The following CRACD variants were observed in gnomAD, a reference collection of about 807,000 sequenced individuals.
CRACD encodes capping protein inhibiting regulator of actin dynamics.
CRACD carries 56 observed loss-of-function variants against 106.8 expected under a neutral mutation model. The ratio of observed to expected loss-of-function variants is 0.52; its 90% CI spans 0.42 to 0.66. The LOEUF (loss-of-function observed/expected upper bound fraction) is 0.66. Ranked by LOEUF, CRACD falls within the 30% of genes least tolerant of loss-of-function variation. The pLI is 0.00. For synonymous variants in CRACD, 754 were observed against 670.8 expected (o/e 1.12, Z -1.92); for missense variants, 1,730 against 1,623.2 (o/e 1.07, Z -1.13).
At chr4:56,236,030 A>C (rs1739947137) in intron 2 of CRACD, among the ~76,000 whole-genome samples, 1 of 152,178 alleles carries the variant, frequency 6.6e-6, no homozygotes, top group Non-Finnish European at 1.5e-5. Context: ...TGTATCCTTG[A>C]AAAATGCTAT....
intron 1 of CRACD, among the ~76,000 whole-genome samples, chr4:56,090,072 G>A (rs1200026310): frequency 1.3e-5 from 2 of 151,808 alleles, no homozygotes; most frequent in Non-Finnish European, 2.9e-5. Flanking sequence ...GGATAACAGT[G>A]GAGAGCAAGA....
chr4:56,148,426 G>T (rs755506177), intron 1 of CRACD, among the ~76,000 whole-genome samples: 1 of 152,168 alleles, frequency 6.6e-6, no homozygotes, highest in Non-Finnish European at 1.5e-5. Context: ...GAGGAGCTGG[G>T]ACTACAGGTG....
chr4:56,220,527 T>C (rs1738974521), intron 2 of CRACD, among the ~76,000 whole-genome samples: 1 of 152,156 alleles, frequency 6.6e-6, no homozygotes, highest in Non-Finnish European at 1.5e-5. Flanking sequence ...GTGTGACTAA[T>C]ACAAGATGTT....
intron 1 of CRACD, among the ~76,000 whole-genome samples, chr4:56,141,704 T>C (rs1438641427): frequency 2.0e-5 from 3 of 147,338 alleles, no homozygotes; most frequent in African/African-American, 7.5e-5. Context: ...TTTTTTTTTT[T>C]TTTTTTAGAA....
At chr4:56,091,894 A>G (rs966227195) in intron 1 of CRACD, among the ~76,000 whole-genome samples, 2 of 152,222 alleles carry the variant, frequency 1.3e-5, no homozygotes, top group African/African-American at 4.8e-5. Context: ...GAGTAATGAA[A>G]GATACAGAAA....
chr4:56,269,339 C>T (rs1353222575), intron 2 of CRACD, among the ~76,000 whole-genome samples: 4 of 151,680 alleles, frequency 2.6e-5, no homozygotes, highest in African/African-American at 7.3e-5. Flanking sequence ...GCCAAGATCG[C>T]GCCACTGCAC....
chr4:56,311,459 C>T (rs1560531675), intron 6 of CRACD: 1 of 152,204 alleles, frequency 6.6e-6, no homozygotes, highest in Non-Finnish European at 1.5e-5. Context: ...AAGTGCTTAT[C>T]TATGTCTTCA....
chr4:56,250,729 A>C (rs1376287879), intron 2 of CRACD, among the ~76,000 whole-genome samples: 1 of 152,198 alleles, frequency 6.6e-6, no homozygotes, highest in Non-Finnish European at 1.5e-5. Flanking sequence ...TCCATTTTCT[A>C]TCTGTAAAAC....
At chr4:56,248,444 G>A (rs1456361345) in intron 2 of CRACD, among the ~76,000 whole-genome samples, 3 of 151,938 alleles carry the variant, frequency 2.0e-5, no homozygotes, top group African/African-American at 7.2e-5. Flanking sequence ...TAATTAGGTA[G>A]GTCATAGGCA....
At chr4:56,254,374 C>T (rs932597449) in intron 2 of CRACD, among the ~76,000 whole-genome samples, 1 of 141,452 alleles carries the variant, frequency 7.1e-6, no homozygotes, top group African/African-American at 2.7e-5. Flanking sequence ...CATTAAAAAT[C>T]TTTTAAAGCA....
intron 2 of CRACD, among the ~76,000 whole-genome samples, chr4:56,231,059 AAAAC>A (rs1429178208): frequency 1.0e-5 from 1 of 95,904 alleles, no homozygotes; most frequent in African/African-American, 3.6e-5. Context: ...AAAACAAAAC[AAAAC>A]AAACAAACAA....
chr4:56,113,862 A>AT (rs1734197575), intron 1 of CRACD, among the ~76,000 whole-genome samples: 1 of 152,098 alleles, frequency 6.6e-6, no homozygotes, highest in South Asian at 2.1e-4. Context: ...CACTAGAAGC[A>AT]TTTTTTTAAA....
At chr4:56,268,718 T>G (rs1742174311) in intron 2 of CRACD, among the ~76,000 whole-genome samples, 1 of 152,212 alleles carries the variant, frequency 6.6e-6, no homozygotes, top group African/African-American at 2.4e-5. Flanking sequence ...AGTTATAGAA[T>G]AGTGCAATAA....
At chr4:56,295,639 C>A (rs1017379079) in intron 3 of CRACD, among the ~76,000 whole-genome samples, 28 of 139,774 alleles carry the variant, frequency 2.0e-4, no homozygotes, top group Non-Finnish European at 3.2e-4. Context: ...TCTGTACACA[C>A]AACTGTGAGA....
At chr4:56,247,849 GAA>G (rs58377145) in intron 2 of CRACD, among the ~76,000 whole-genome samples, 32 of 146,014 alleles carry the variant, frequency 2.2e-4, no homozygotes, top group Non-Finnish European at 2.9e-4. Context: ...CCATCTTACA[GAA>G]AAAAAAAAAA....
chr4:56,179,578 C>T (rs866262774), intron 2 of CRACD, 148 bp downstream of exon 2: 1 of 152,124 alleles, frequency 6.6e-6, no homozygotes, highest in African/African-American at 2.4e-5. Context: ...GTGATCTAAT[C>T]CTAGATTGCA....
intron 2 of CRACD, among the ~76,000 whole-genome samples, chr4:56,210,687 G>T (rs1420143556): frequency 2.0e-5 from 3 of 152,232 alleles, no homozygotes; most frequent in African/African-American, 7.2e-5. Context: ...TTTAGAGACA[G>T]AGATACCCTT....
chr4:56,172,349 A>C (rs539539773), intron 1 of CRACD, among the ~76,000 whole-genome samples: 1 of 152,208 alleles, frequency 6.6e-6, no homozygotes, highest in African/African-American at 2.4e-5. Flanking sequence ...GCTGGGCAGA[A>C]ATCTTCTGAG....
At chr4:56,154,417 G>C (rs1424862059) in intron 1 of CRACD, among the ~76,000 whole-genome samples, 1 of 152,134 alleles carries the variant, frequency 6.6e-6, no homozygotes, top group Non-Finnish European at 1.5e-5. Flanking sequence ...AGTGAGCCAA[G>C]ATCACGCCGT....
Sources: allele counts gnomAD v4.1 joint callset (sites outside exome capture counted in the v4.1 genomes callset), GRCh38; gene constraint gnomAD v4.1.1; transcripts MANE v1.5; gene names NCBI Gene and HGNC (gene_info 2026-07-23, HGNC 2026-07-21).